Variants in UBL3 observed in about 807,000 individuals in gnomAD.
UBL3 encodes the protein ubiquitin-like protein 3.
In UBL3, 6 loss-of-function variants were observed where a neutral mutation model predicts 18.4. The ratio of observed to expected loss-of-function variants is 0.33; its 90% CI spans 0.18 to 0.64. UBL3 has a LOEUF of 0.64. Among genes scored for constraint, UBL3 ranks in the 30% least tolerant of loss-of-function variants. The probability of loss-of-function intolerance (pLI) is 0.76; values close to 1 mark genes in which losing one functional copy is unlikely to be tolerated. For missense variants in UBL3, 109 were observed against 142.9 expected, an observed-to-expected ratio of 0.76 and a Z score of 1.21; for synonymous variants, 49 against 46.6, an observed-to-expected ratio of 1.05 and a Z score of -0.21.
chr13:29,817,777 A>G (rs1257304137), intron 1 of UBL3, among the ~76,000 whole-genome samples: 1 of 152,182 alleles, frequency 6.6e-6, no homozygotes, highest in Non-Finnish European at 1.5e-5. Flanking sequence ...TTCTAATCCC[A>G]AACTGGGTCA....
rs567056257 is a variant in UBL3, at chr13:29,806,619, C to A, written c.28-29356G>T. 3.3e-5 allele frequency among the ~76,000 whole-genome samples: 5 copies of A among 152,246 alleles called. No homozygotes were observed. In the East Asian group the frequency reaches 9.7e-4, roughly 29 times the overall value. On this transcript the variant is annotated intron_variant, in intron 1 of 4. Coordinates refer to ENST00000380680, the MANE Select transcript of UBL3 (RefSeq NM_007106.4). ...AAGAGTGCCATATATTTACTGACCC[C>A]AGTCTAACACCTTCTTAAATTAGAC... is the stretch of plus-strand genomic sequence containing the variant.
intron 1 of UBL3, among the ~76,000 whole-genome samples, chr13:29,805,283 T>TGGGAA (rs1877871809): frequency 6.6e-6 from 1 of 152,216 alleles, no homozygotes. Flanking sequence ...CCACAGTAAT[T>TGGGAA]CTCTCTTGGG....
At chr13:29,842,275 A>C (rs1463745260) in intron 1 of UBL3, among the ~76,000 whole-genome samples, 1 of 151,496 alleles carries the variant, frequency 6.6e-6, no homozygotes, top group East Asian at 1.9e-4. Flanking sequence ...CTCCTGCCTC[A>C]GCCTCCGGAG....
At chr13:29,791,330 CACTT>C (rs1191991597) in intron 1 of UBL3, among the ~76,000 whole-genome samples, 1 of 152,172 alleles carries the variant, frequency 6.6e-6, no homozygotes, top group African/African-American at 2.4e-5. Context: ...ATTTACTAAT[CACTT>C]ACAAGTGCTG....
chr13:29,804,611 G>A (rs1877854431), intron 1 of UBL3, among the ~76,000 whole-genome samples: 1 of 151,904 alleles, frequency 6.6e-6, no homozygotes, highest in East Asian at 1.9e-4. Context: ...ATGACAAAGG[G>A]AGCATCACCA....
chr13:29,794,681 T>C lies in UBL3; in HGVS notation c.28-17418A>G, dbSNP rs140011207. ...TAGACTCTTATGACTAGGTAAGTAA[T>C]CTACTAATGGGTCTTCCTGGGCACT... is the stretch of plus-strand genomic sequence containing the variant. On this transcript the variant is annotated intron_variant, in intron 1 of 4. Transcript: ENST00000380680. 2.0e-4 allele frequency among the ~76,000 whole-genome samples: 31 copies of C among 152,360 alleles called. No individual in the cohort carries two copies. In the East Asian group the frequency reaches 4.2e-3, roughly 21 times the overall value.
rs36050662 is a variant in UBL3 at position 29,820,169 on chromosome 13, C to CTTTTTTTTTT, written c.27+29333_27+29342dup. 2.9e-5 allele frequency among the ~76,000 whole-genome samples: 3 copies of CTTTTTTTTTT among 104,968 alleles called. 1 individual carries two copies. The highest frequency in any genetic ancestry group is 3.6e-5 in the Non-Finnish European group (2 of 55,270). 68.9% of individuals were successfully genotyped at this position (104,968 alleles called of 152,430 possible). On this transcript the variant is annotated intron_variant, in intron 1 of 4. Transcript: ENST00000380680. Reference sequence around the variant, plus strand: ...TCCCACTGAGAGGCCCTCAGAGTTCCTTTTTTTTTTTTTTTTTTTTTTTGA... The same window carrying CTTTTTTTTTT: ...TCCCACTGAGAGGCCCTCAGAGTTCCTTTTTTTTTTTTTTTTTTTTTTTTTTTTTTTTTGA...
Position 29,767,167 on chromosome 13 carries a change from G to T in UBL3, c.*88C>A. 6.9e-7 allele frequency: 1 copy of T among 1,459,104 alleles called. No homozygotes were observed. Among genetic ancestry groups the T allele is most frequent in the South Asian group, 1.2e-5 (1 of 84,798 alleles). 90.4% of individuals were successfully genotyped at this position (1,459,104 alleles called of 1,614,324 possible). A position where few individuals can be genotyped will look rare whatever the true frequency, so the allele number is the denominator to read the frequency against. The stretch of plus-strand genomic sequence containing the variant: ...CATGTGTTTACAGGCAGACTGTTCT[G>T]AACGGTTTCTGAAGCAATGTCGGGT... On this transcript the variant is annotated 3_prime_UTR_variant, in exon 5 of 5. Coordinates refer to ENST00000380680, the MANE Select transcript of UBL3 (RefSeq NM_007106.4).
At chr13:29,802,017 T>C (rs372717140) in intron 1 of UBL3, among the ~76,000 whole-genome samples, 7 of 152,160 alleles carry the variant, frequency 4.6e-5, no homozygotes, top group African/African-American at 1.4e-4. Context: ...AAGGCCAGAT[T>C]TGCAGCCACC....
intron 1 of UBL3, among the ~76,000 whole-genome samples, chr13:29,843,480 A>AT (rs1177664205): frequency 6.6e-6 from 1 of 152,186 alleles, no homozygotes; most frequent in Non-Finnish European, 1.5e-5. Context: ...AAGAGCTGTC[A>AT]TAAGTCATAC....
intron 1 of UBL3, among the ~76,000 whole-genome samples, chr13:29,787,141 AATT>A (rs1486333933): frequency 6.6e-6 from 1 of 152,180 alleles, no homozygotes; most frequent in African/African-American, 2.4e-5. Context: ...AGGAATAGTT[AATT>A]AGCCTCCTTG....
intron 2 of UBL3, among the ~76,000 whole-genome samples, chr13:29,774,548 A>T (rs1327643): frequency 0.92 from 139,464 of 152,142 alleles, 63,989 homozygotes; most frequent in East Asian, 0.98. Flanking sequence ...GATCCCAAAT[A>T]TCTTTAGCTT....
intron 1 of UBL3, among the ~76,000 whole-genome samples, chr13:29,819,637 GCTTT>G (rs553491176): frequency 2.2e-4 from 33 of 152,282 alleles, no homozygotes; most frequent in African/African-American, 7.5e-4. Flanking sequence ...AAAGTATGTA[GCTTT>G]CTTTTTATGA....
At position 29,849,549 on chromosome 13, in the gene UBL3, G is replaced by A; in HGVS notation, c.-11C>T. On this transcript the variant is annotated 5_prime_UTR_variant, in exon 1 of 5. Transcript: ENST00000380680. ...GACATTACTGGACATCTTGCCGTTTGATATACACCCAGATGTTTACGAAAA... is the reference window on the plus strand; with the variant it reads ...GACATTACTGGACATCTTGCCGTTTAATATACACCCAGATGTTTACGAAAA... 1 of 1,613,840 alleles carries A rather than the reference G, an allele frequency of 6.2e-7. No homozygotes were observed. Among genetic ancestry groups the A allele is most frequent in the Non-Finnish European group, 8.5e-7 (1 of 1,180,022 alleles).
chr13:29,773,180 G>C (rs1876889723), intron 2 of UBL3, among the ~76,000 whole-genome samples: 1 of 152,160 alleles, frequency 6.6e-6, no homozygotes, highest in South Asian at 2.1e-4. Flanking sequence ...GAAGTAACTA[G>C]AGACTTTTCT....
At chr13:29,774,435 T>C (rs1365186494) in intron 2 of UBL3, among the ~76,000 whole-genome samples, 2 of 152,184 alleles carry the variant, frequency 1.3e-5, no homozygotes, top group African/African-American at 2.4e-5. Context: ...GTAATCTTTT[T>C]GTATCACACT....
chr13:29,771,445 G>A (rs1876838381), intron 3 of UBL3, among the ~76,000 whole-genome samples: 1 of 152,010 alleles, frequency 6.6e-6, no homozygotes, highest in Admixed American at 6.6e-5. Flanking sequence ...TATGTGCCAA[G>A]CACCATTTAT....
At chr13:29,801,007 C>A (rs965399123) in intron 1 of UBL3, among the ~76,000 whole-genome samples, 4 of 152,144 alleles carry the variant, frequency 2.6e-5, no homozygotes, top group African/African-American at 9.7e-5. Context: ...TCAACCTGGA[C>A]CCCCAGCACA....
chr13:29,844,800 C>T (rs278032), intron 1 of UBL3, among the ~76,000 whole-genome samples: 136,935 of 152,158 alleles, frequency 0.9, 61,789 homozygotes, highest in East Asian at 0.98. Flanking sequence ...AAACTATTAG[C>T]ACCATCAGTA....
Sources: allele counts gnomAD v4.1 joint callset (sites outside exome capture counted in the v4.1 genomes callset), GRCh38; gene constraint gnomAD v4.1.1; transcripts MANE v1.5; gene names NCBI Gene and HGNC (gene_info 2026-07-23, HGNC 2026-07-21).